Variants in GTF2A1 observed in about 807,000 individuals in gnomAD.
GTF2A1 encodes the protein transcription initiation factor IIA subunit 1.
A neutral mutation model predicts 54.1 loss-of-function variants in GTF2A1; 12 were observed. That is an observed-to-expected ratio of 0.22 (90% CI 0.14 to 0.36). GTF2A1 has a LOEUF of 0.36. Among genes scored for constraint, GTF2A1 ranks in the 10% least tolerant of loss-of-function variants. The pLI is 1.00. For missense variants in GTF2A1, 335 were observed against 442.2 expected, an observed-to-expected ratio of 0.76 and a Z score of 2.17; for synonymous variants, 145 against 152.0, an observed-to-expected ratio of 0.95 and a Z score of 0.34.
intron 6 of GTF2A1, among the ~76,000 whole-genome samples, chr14:81,193,759 A>G (rs948105152): frequency 6.6e-6 from 1 of 152,226 alleles, no homozygotes; most frequent in African/African-American, 2.4e-5. Flanking sequence ...GAAAAAATAT[A>G]TACTAACAAA....
At chr14:81,190,268 GAAA>G (rs60741593) in intron 7 of GTF2A1, among the ~76,000 whole-genome samples, 73 of 135,374 alleles carry the variant, frequency 5.4e-4, no homozygotes, top group African/African-American at 1.5e-3. Flanking sequence ...TACAATCTTT[GAAA>G]AAAAAAAAAG....
chr14:81,202,088 C>G (rs2140161941), intron 3 of GTF2A1, among the ~76,000 whole-genome samples: 1 of 151,918 alleles, frequency 6.6e-6, no homozygotes, highest in South Asian at 2.1e-4. Context: ...TGAGATCACG[C>G]CACTGCACTC....
At position 81,196,336 on chromosome 14, in the gene GTF2A1, A is replaced by C. The variant is rs138323538; in HGVS notation, c.479-95T>G. On this transcript the variant is annotated intron_variant, in intron 5 of 8. Coordinates refer to ENST00000553612, the MANE Select transcript of GTF2A1 (RefSeq NM_015859.4). Reference sequence around the variant, plus strand: ...TTTAATTTCATACCACCAAAGGCACAAGAAATTATCAAGAAAACTAACAAT... The same window carrying C: ...TTTAATTTCATACCACCAAAGGCACCAGAAATTATCAAGAAAACTAACAAT... The C allele has an allele frequency of 6.4e-5, 81 of 1,274,040 alleles. No individual in the cohort carries two copies. In the African/African-American group the frequency reaches 1.1e-3, roughly 17 times the overall value. The allele number at this position is 1,274,040 out of a possible 1,614,324, so 78.9% of individuals were successfully genotyped here.
intron 8 of GTF2A1, among the ~76,000 whole-genome samples, chr14:81,181,973 C>A (rs1035947): frequency 0.014 from 2,188 of 152,222 alleles, 53 homozygotes; most frequent in African/African-American, 0.039. Flanking sequence ...AAACAGTGAG[C>A]AAAGAATTTC....
At chr14:81,209,385 G>GT (rs1162414889) in intron 2 of GTF2A1, among the ~76,000 whole-genome samples, 6 of 152,204 alleles carry the variant, frequency 3.9e-5, no homozygotes, top group Non-Finnish European at 5.9e-5. Context: ...ATGTGGAACT[G>GT]TAAGTCCAAT....
At chr14:81,194,208 C>T (rs538664459) in intron 6 of GTF2A1, among the ~76,000 whole-genome samples, 2 of 152,222 alleles carry the variant, frequency 1.3e-5, no homozygotes, top group African/African-American at 2.4e-5. Context: ...GGAGCAGGAA[C>T]CCTACTGTGA....
intron 2 of GTF2A1, among the ~76,000 whole-genome samples, chr14:81,212,358 A>AT (rs1277246784): frequency 6.6e-6 from 1 of 152,156 alleles, no homozygotes; most frequent in Non-Finnish European, 1.5e-5. Flanking sequence ...TCCAAAACAC[A>AT]TTTACATTCG....
rs761964424 is a variant in GTF2A1, at chr14:81,197,231, TCAA to T, written c.478+175_478+177del. The T allele has an allele frequency of 8.0e-4, 416 of 521,784 alleles. 1 individual carries two copies. The highest frequency in any genetic ancestry group is 1.2e-3 in the Non-Finnish European group (349 of 284,594). The allele number at this position is 521,784 out of a possible 1,614,324, so 32.3% of individuals were successfully genotyped here. Reference sequence around the variant, plus strand: ...AATTTTCATCTTCTTTACTGTATCCTCAACAACGATTACAGTTATATGTGTTAC... The same window carrying T: ...AATTTTCATCTTCTTTACTGTATCCTCAACGATTACAGTTATATGTGTTAC... On this transcript the variant is annotated intron_variant, in intron 5 of 8. Coordinates refer to ENST00000553612, the MANE Select transcript of GTF2A1 (RefSeq NM_015859.4).
At chr14:81,203,130 C>T (rs1359816836) in intron 3 of GTF2A1, among the ~76,000 whole-genome samples, 10 of 152,182 alleles carry the variant, frequency 6.6e-5, no homozygotes, top group Non-Finnish European at 1.5e-4. Context: ...AAATACAGAT[C>T]AAGTTTCTTA....
intron 7 of GTF2A1, among the ~76,000 whole-genome samples, chr14:81,189,322 G>A (rs560530976): frequency 6.6e-6 from 1 of 152,280 alleles, no homozygotes; most frequent in South Asian, 2.1e-4. Flanking sequence ...AAAACAAGAA[G>A]AAATATATCA....
chr14:81,211,544 T>C (rs1893363980), intron 2 of GTF2A1, among the ~76,000 whole-genome samples: 1 of 152,094 alleles, frequency 6.6e-6, no homozygotes, highest in African/African-American at 2.4e-5. Context: ...CTCCCCAAGT[T>C]AATCCCCTTA....
In GTF2A1 at chr14:81,207,139, GTACCTACCTACCTACC is replaced by G. The variant is rs58629753; in HGVS notation, c.133-3051_133-3036del. 8.4e-3 allele frequency among the ~76,000 whole-genome samples: 1,240 copies of G among 147,890 alleles called. 13 individuals are homozygous for G. Among genetic ancestry groups the G allele is most frequent in the African/African-American group, 0.022 (862 of 39,808 alleles). On this transcript the variant is annotated intron_variant, in intron 2 of 8. Coordinates refer to ENST00000553612, the MANE Select transcript of GTF2A1 (RefSeq NM_015859.4). Reference sequence around the variant, plus strand: ...TATATCTATCTATCTACCTACCTACGTACCTACCTACCTACCTACCTACCTACCTACCTACCTACCT... The same window carrying G: ...TATATCTATCTATCTACCTACCTACGTACCTACCTACCTACCTACCTACCT...
At position 81,216,498 on chromosome 14, in the gene GTF2A1, G is replaced by C; in HGVS notation, c.47C>G (p.Ser16Cys). 2 of 1,496,840 alleles carry C rather than the reference G, an allele frequency of 1.3e-6. No homozygotes were observed. Among genetic ancestry groups the C allele is most frequent in the Non-Finnish European group, 1.9e-6 (2 of 1,075,082 alleles). The allele number at this position is 1,496,840 out of a possible 1,614,324, so 92.7% of individuals were successfully genotyped here. A position where few individuals can be genotyped will look rare whatever the true frequency, so the allele number is the denominator to read the frequency against. ...ATCATTAATGACATCTTCAATCACAGATCTGTATAATTTAGGCTTTAAAGG... is the reference window on the plus strand; with the variant it reads ...ATCATTAATGACATCTTCAATCACACATCTGTATAATTTAGGCTTTAAAGG... ...NTNTVPKLYR[S>C]VIEDVINDVR... Residue 16 changes from serine (S) to cysteine (C), a missense_variant, in exon 2 of 9, where the codon TCT becomes TGT. Coordinates refer to ENST00000553612, the MANE Select transcript of GTF2A1 (RefSeq NM_015859.4).
In GTF2A1 at chr14:81,178,435, C is replaced by T. The variant is rs117060001; in HGVS notation, c.*1788G>A. 1.3e-5 allele frequency: 2 copies of T among 151,938 alleles called. No individual in the cohort carries two copies. Among genetic ancestry groups the T allele is most frequent in the Non-Finnish European group, 2.9e-5 (2 of 67,930 alleles). 9.4% of individuals were successfully genotyped at this position (151,938 alleles called of 1,614,324 possible). A position where few individuals can be genotyped will look rare whatever the true frequency, so the allele number is the denominator to read the frequency against. On this transcript the variant is annotated 3_prime_UTR_variant, in exon 9 of 9. Transcript: ENST00000553612. ...GAGAGTCACAGAATAAACAAACTTC[C>T]CCTCAAAAAACTAAATTAATATAGT...
At chr14:81,190,279 A>AG (rs1253566784) in intron 7 of GTF2A1, among the ~76,000 whole-genome samples, 10 of 152,096 alleles carry the variant, frequency 6.6e-5, no homozygotes, top group African/African-American at 2.4e-4. Context: ...AAAAAAAAAA[A>AG]AGAGTTCAAA....
At chr14:81,188,646 G>A (rs897483921) in intron 7 of GTF2A1, among the ~76,000 whole-genome samples, 9 of 151,734 alleles carry the variant, frequency 5.9e-5, no homozygotes, top group Non-Finnish European at 1.5e-5. Flanking sequence ...GCATGGTGGC[G>A]GGCACCTGTA....
chr14:81,184,523 T>C (rs902572713), intron 8 of GTF2A1, among the ~76,000 whole-genome samples: 1 of 152,194 alleles, frequency 6.6e-6, no homozygotes, highest in Non-Finnish European at 1.5e-5. Flanking sequence ...CTGGTAAAAC[T>C]AGCCTAACTC....
intron 7 of GTF2A1, among the ~76,000 whole-genome samples, chr14:81,186,221 C>T (rs1380926779): frequency 6.6e-6 from 1 of 152,090 alleles, no homozygotes; most frequent in Non-Finnish European, 1.5e-5. Context: ...GTTTAAGATG[C>T]CTAGAAAAGG....
chr14:81,215,192 T>C (rs566881758), intron 2 of GTF2A1, among the ~76,000 whole-genome samples: 32 of 152,358 alleles, frequency 2.1e-4, no homozygotes, highest in African/African-American at 7.5e-4. Flanking sequence ...TCAAATTTCT[T>C]AATATCAACA....
Sources: gnomAD v4.1 joint callset for allele counts (sites outside exome capture counted in the v4.1 genomes callset) on GRCh38, gnomAD v4.1.1 for gene constraint, MANE v1.5 for transcripts, NCBI Gene and HGNC (gene_info 2026-07-23, HGNC 2026-07-21) for gene names.